The following NXPE2 variants were observed in gnomAD, a reference collection of about 807,000 sequenced individuals.
NXPE2 encodes NXPE family member 2.
In NXPE2, 34 loss-of-function variants were observed where a neutral mutation model predicts 34.4. That is an observed-to-expected ratio of 0.99 (90% confidence interval 0.75 to 1.31). NXPE2 has a LOEUF of 1.31. Ranked by LOEUF, NXPE2 falls within the 40% of genes most tolerant of loss-of-function variation. The pLI, the probability that NXPE2 is intolerant of heterozygous loss-of-function variation, is 0.00. For synonymous variants in NXPE2, 235 were observed against 231.3 expected (o/e 1.02, Z -0.15); for missense variants, 649 against 672.5 (o/e 0.97, Z 0.39).
the NXPE2 span, chr11:114,582,558 C>T: frequency 1.2e-6 from 2 of 1,614,176 alleles, no homozygotes. Context: ...AGCTGACACC[C>T]CTTCACTGGG....
the NXPE2 span, among the ~76,000 whole-genome samples, chr11:114,570,197 A>C: frequency 6.6e-6 from 1 of 152,112 alleles, no homozygotes; most frequent in East Asian, 1.9e-4. Flanking sequence ...ACCTTAATTT[A>C]ATAAACTCTC....
chr11:114,692,410 T>C (rs1951170443), intron 2 of NXPE2, among the ~76,000 whole-genome samples: 1 of 152,158 alleles, frequency 6.6e-6, no homozygotes, highest in South Asian at 2.1e-4. Flanking sequence ...CAGCCATGTC[T>C]ACAGATCCCC....
At chr11:114,801,647 G>C in the NXPE2 span, among the ~76,000 whole-genome samples, 166 of 152,302 alleles carry the variant, frequency 1.1e-3, no homozygotes, top group African/African-American at 3.8e-3. Context: ...AAGCTGTTGT[G>C]ATAGACCAGG....
the NXPE2 span, among the ~76,000 whole-genome samples, chr11:114,508,487 A>C: frequency 2.0e-4 from 30 of 152,252 alleles, no homozygotes; most frequent in Admixed American, 2.0e-3. Context: ...ACCTGACTGC[A>C]AACTATACTA....
At chr11:114,651,957 A>G in the NXPE2 span, among the ~76,000 whole-genome samples, 4 of 152,224 alleles carry the variant, frequency 2.6e-5, no homozygotes, top group African/African-American at 9.6e-5. Context: ...GGGTGCTGTT[A>G]GGTTCACAGT....
the NXPE2 span, among the ~76,000 whole-genome samples, chr11:114,489,748 G>A: frequency 3.4e-4 from 51 of 152,178 alleles, no homozygotes; most frequent in Non-Finnish European, 7.1e-4. Context: ...CACAGCCAGT[G>A]TCATACTGAA....
chr11:114,808,371 C>CA, the NXPE2 span, among the ~76,000 whole-genome samples: 1 of 150,750 alleles, frequency 6.6e-6, no homozygotes, highest in South Asian at 2.1e-4. Flanking sequence ...AATAGAGACA[C>CA]AAAAAACCCT....
chr11:114,727,627 A>T, the NXPE2 span, among the ~76,000 whole-genome samples: 2 of 152,004 alleles, frequency 1.3e-5, no homozygotes, highest in South Asian at 2.1e-4. Flanking sequence ...GCAATCCCCT[A>T]CATCCTTCCT....
At chr11:114,731,505 T>C in the NXPE2 span, among the ~76,000 whole-genome samples, 1 of 152,184 alleles carries the variant, frequency 6.6e-6, no homozygotes, top group Non-Finnish European at 1.5e-5. Context: ...GGTTAAACAG[T>C]TCATGGTACA....
chr11:114,602,058 A>C, the NXPE2 span, among the ~76,000 whole-genome samples: 1 of 94,318 alleles, frequency 1.1e-5, no homozygotes, highest in Non-Finnish European at 1.8e-5. Flanking sequence ...TATATTATAT[A>C]TATTATAATA....
At chr11:114,515,587 T>C in the NXPE2 span, among the ~76,000 whole-genome samples, 4 of 152,168 alleles carry the variant, frequency 2.6e-5, no homozygotes, top group African/African-American at 4.8e-5. Context: ...AGAAGGGATC[T>C]GATAAGATGA....
downstream of NXPE2, among the ~76,000 whole-genome samples, chr11:114,710,914 C>G (rs946317328): frequency 6.6e-6 from 1 of 152,082 alleles, no homozygotes; most frequent in African/African-American, 2.4e-5. Flanking sequence ...GGCAATTATA[C>G]CTGGAATACA....
the NXPE2 span, among the ~76,000 whole-genome samples, chr11:114,754,775 G>A: frequency 6.6e-6 from 1 of 152,182 alleles, no homozygotes; most frequent in Non-Finnish European, 1.5e-5. Flanking sequence ...TAGTGTCGGA[G>A]CAAGGACCTG....
At chr11:114,540,885 T>G in the NXPE2 span, among the ~76,000 whole-genome samples, 20,294 of 80,500 alleles carry the variant, frequency 0.25, 2,277 homozygotes, top group East Asian at 0.51. Context: ...TTTTTTTTTT[T>G]GGCTTGAACA....
chr11:114,518,552 A>G, the NXPE2 span, among the ~76,000 whole-genome samples: 3 of 152,196 alleles, frequency 2.0e-5, no homozygotes, highest in Admixed American at 2.0e-4. Context: ...TTTTGGATAT[A>G]TTTGGAAATT....
At chr11:114,650,338 T>A in the NXPE2 span, among the ~76,000 whole-genome samples, 4 of 152,174 alleles carry the variant, frequency 2.6e-5, no homozygotes, top group Admixed American at 6.6e-5. Flanking sequence ...ATAGCTGGGA[T>A]CACCAGAAAA....
the NXPE2 span, among the ~76,000 whole-genome samples, chr11:114,659,717 A>G: frequency 7.0e-4 from 106 of 152,260 alleles, no homozygotes; most frequent in Non-Finnish European, 1.3e-3. Flanking sequence ...TGTATTAGAA[A>G]AGAACAAAGG....
the NXPE2 span, among the ~76,000 whole-genome samples, chr11:114,766,923 A>C: frequency 6.6e-6 from 1 of 152,160 alleles, no homozygotes; most frequent in Non-Finnish European, 1.5e-5. Context: ...GATCTAATGA[A>C]AATTTTTAGT....
chr11:114,600,658 T>C, the NXPE2 span, among the ~76,000 whole-genome samples: 5 of 152,184 alleles, frequency 3.3e-5, no homozygotes, highest in South Asian at 2.1e-4. Flanking sequence ...CAATTTGAGA[T>C]CCTGGATTGG....
Sources: gnomAD v4.1 joint callset for allele counts (sites outside exome capture counted in the v4.1 genomes callset) on GRCh38, gnomAD v4.1.1 for gene constraint, MANE v1.5 for transcripts, NCBI Gene and HGNC (gene_info 2026-07-23, HGNC 2026-07-21) for gene names.